Variants in TMEM178B observed in about 807,000 individuals in gnomAD.
The protein encoded by TMEM178B is transmembrane protein 178B.
In TMEM178B, 5 loss-of-function variants were observed where a neutral mutation model predicts 31.0. The ratio of observed to expected loss-of-function variants is 0.16; its 90% CI spans 0.08 to 0.34. The LOEUF is 0.34. TMEM178B is among the 10% of genes least tolerant of loss of function. The pLI is 1.00. For synonymous variants in TMEM178B, 164 were observed against 164.0 expected, an observed-to-expected ratio of 1.00 and a Z score of 0.00; for missense variants, 275 against 400.3, an observed-to-expected ratio of 0.69 and a Z score of 2.67.
At chr7:141,169,551 A>G (rs1047917505) in intron 1 of TMEM178B, among the ~76,000 whole-genome samples, 1 of 152,242 alleles carries the variant, frequency 6.6e-6, no homozygotes, top group African/African-American at 2.4e-5. Context: ...TCTGGCTAAT[A>G]TCTAGACACC....
chr7:141,299,898 C>T (rs1798695265), intron 2 of TMEM178B, among the ~76,000 whole-genome samples: 1 of 152,066 alleles, frequency 6.6e-6, no homozygotes, highest in Non-Finnish European at 1.5e-5. Flanking sequence ...GATCGTCCCA[C>T]CTTAGCTTCC....
intron 2 of TMEM178B, among the ~76,000 whole-genome samples, chr7:141,336,242 C>G (rs991862015): frequency 6.6e-6 from 1 of 152,144 alleles, no homozygotes; most frequent in Non-Finnish European, 1.5e-5. Flanking sequence ...CTTCTCTACT[C>G]CTGCCCACGT....
intron 2 of TMEM178B, among the ~76,000 whole-genome samples, chr7:141,412,717 G>C (rs1029412121): frequency 3.9e-5 from 6 of 152,348 alleles, no homozygotes; most frequent in Middle Eastern, 3.4e-3. Flanking sequence ...GGCTCACCCA[G>C]TGCTCAGTGC....
At chr7:141,313,977 C>T (rs1443482658) in intron 2 of TMEM178B, among the ~76,000 whole-genome samples, 1 of 152,270 alleles carries the variant, frequency 6.6e-6, no homozygotes, top group Non-Finnish European at 1.5e-5. Context: ...TTCCACTAAA[C>T]GATTCCAGTG....
At chr7:141,296,867 A>T (rs1458262788) in intron 2 of TMEM178B, among the ~76,000 whole-genome samples, 1 of 152,250 alleles carries the variant, frequency 6.6e-6, no homozygotes, top group Non-Finnish European at 1.5e-5. Flanking sequence ...TGCAGGCTAC[A>T]GGGTCTCTGC....
intron 2 of TMEM178B, among the ~76,000 whole-genome samples, chr7:141,291,482 T>TA (rs1379383744): frequency 1.3e-5 from 2 of 152,280 alleles, no homozygotes; most frequent in East Asian, 3.9e-4. Flanking sequence ...GGTTTCCTTT[T>TA]AAAACTCTTT....
intron 2 of TMEM178B, among the ~76,000 whole-genome samples, chr7:141,419,445 C>A (rs758409786): frequency 3.1e-4 from 47 of 152,236 alleles, no homozygotes; most frequent in Non-Finnish European, 6.3e-4. Flanking sequence ...CTTTACTATC[C>A]CCTGAATTCA....
chr7:141,465,899 T>A (rs1295366410), intron 3 of TMEM178B, among the ~76,000 whole-genome samples: 1 of 152,108 alleles, frequency 6.6e-6, no homozygotes. Flanking sequence ...GGCATGCACC[T>A]GTAGTCCCAG....
At chr7:141,077,220 C>T (rs1586755086) in intron 1 of TMEM178B, among the ~76,000 whole-genome samples, 1 of 152,296 alleles carries the variant, frequency 6.6e-6, no homozygotes, top group South Asian at 2.1e-4. Flanking sequence ...TCACATTATT[C>T]ATTAGAAACC....
chr7:141,234,813 T>C (rs1157981923), intron 2 of TMEM178B, among the ~76,000 whole-genome samples: 1 of 152,194 alleles, frequency 6.6e-6, no homozygotes, highest in African/African-American at 2.4e-5. Flanking sequence ...GTTGGGTCAG[T>C]TCTGTGCCGT....
intron 1 of TMEM178B, among the ~76,000 whole-genome samples, chr7:141,170,870 C>T (rs1299170117): frequency 1.3e-5 from 2 of 152,168 alleles, no homozygotes; most frequent in African/African-American, 4.8e-5. Flanking sequence ...AGTCCTGTGC[C>T]TGACCCTGAA....
At chr7:141,404,867 CTGA>C (rs1422832564) in intron 2 of TMEM178B, among the ~76,000 whole-genome samples, 12 of 152,198 alleles carry the variant, frequency 7.9e-5, no homozygotes, top group Admixed American at 7.9e-4. Flanking sequence ...TCCAGGTATC[CTGA>C]TGTCTTGTCC....
At chr7:141,343,901 G>A (rs1798081389) in intron 2 of TMEM178B, among the ~76,000 whole-genome samples, 1 of 152,082 alleles carries the variant, frequency 6.6e-6, no homozygotes, top group Admixed American at 6.6e-5. Flanking sequence ...GAGAACTGTG[G>A]GGCTGGCTGC....
At chr7:141,483,728 T>C (rs913230630), downstream of TMEM178B, among the ~76,000 whole-genome samples, 1 of 148,180 alleles carries the variant, frequency 6.7e-6, no homozygotes, top group African/African-American at 2.4e-5. Flanking sequence ...ATTCTATATC[T>C]TGCCCTTCTT....
intron 2 of TMEM178B, among the ~76,000 whole-genome samples, chr7:141,292,701 G>A (rs1481637000): frequency 4.8e-5 from 7 of 145,080 alleles, no homozygotes; most frequent in African/African-American, 1.0e-4. Context: ...ACACTGGTGC[G>A]ACCTCGGCTC....
chr7:141,361,441 C>A (rs1257291246), intron 2 of TMEM178B, among the ~76,000 whole-genome samples: 1 of 152,114 alleles, frequency 6.6e-6, no homozygotes, highest in Non-Finnish European at 1.5e-5. Flanking sequence ...AATGAGAGGT[C>A]CTGGTTTGGT....
intron 1 of TMEM178B, among the ~76,000 whole-genome samples, chr7:141,102,943 G>C (rs941140798): frequency 6.6e-6 from 1 of 152,178 alleles, no homozygotes; most frequent in Non-Finnish European, 1.5e-5. Flanking sequence ...AAGTGGCTAA[G>C]GCGGGTGGAG....
At chr7:141,411,597 A>G (rs953593601) in intron 2 of TMEM178B, among the ~76,000 whole-genome samples, 1 of 152,214 alleles carries the variant, frequency 6.6e-6, no homozygotes, top group African/African-American at 2.4e-5. Context: ...AAAATGGATT[A>G]TGTATAATTT....
chr7:141,453,454 C>T (rs1236121352), intron 3 of TMEM178B, among the ~76,000 whole-genome samples: 2 of 152,354 alleles, frequency 1.3e-5, no homozygotes, highest in East Asian at 3.9e-4. Flanking sequence ...GCTAAGTAAA[C>T]ATTGATTGGA....
Sources: gnomAD v4.1 joint callset for allele counts (sites outside exome capture counted in the v4.1 genomes callset) on GRCh38, gnomAD v4.1.1 for gene constraint, MANE v1.5 for transcripts, NCBI Gene and HGNC (gene_info 2026-07-23, HGNC 2026-07-21) for gene names.